Variants in PXDC1 observed in about 807,000 individuals in gnomAD.
PXDC1 encodes PX domain containing 1.
Under a neutral mutation model 24.4 loss-of-function variants are expected in PXDC1, and 13 were observed. The ratio of observed to expected loss-of-function variants is 0.53; its 90% CI spans 0.35 to 0.85. The LOEUF is 0.85. PXDC1 is among the 40% of genes least tolerant of loss of function. The pLI, the probability that PXDC1 is intolerant of heterozygous loss-of-function variation, is 0.01. For synonymous variants in PXDC1, 162 were observed against 124.9 expected (o/e 1.30, Z -1.98); for missense variants, 344 against 309.3 (o/e 1.11, Z -0.84).
chr6:3,735,140 A>G (rs1760286260), intron 3 of PXDC1, among the ~76,000 whole-genome samples: 1 of 152,224 alleles, frequency 6.6e-6, no homozygotes, highest in African/African-American at 2.4e-5. Context: ...GAACCAAAAA[A>G]GATGCCAAAT....
chr6:3,723,679 G>A lies in PXDC1; in HGVS notation c.636C>T (p.Ala212=). The change falls in exon 5 of 5, where the codon GCC becomes GCT. Residue 212 remains alanine, a synonymous_variant. Coordinates refer to ENST00000380283, the MANE Select transcript of PXDC1 (RefSeq NM_183373.4). ...GGTAATATGACAGGTTGGTGACGTA[G>A]GCTGCTGGGTCGTCCCCGTCCTCCA... ...SELEDGDDPA[A]YVTNLSYYHL... 1.2e-6 allele frequency: 2 copies of A among 1,614,200 alleles called. No homozygotes were observed. Among genetic ancestry groups the A allele is most frequent in the Non-Finnish European group, 8.5e-7 (1 of 1,180,024 alleles).
Position 3,751,632 on chromosome 6 carries a change from G to C in PXDC1, c.-101C>G, listed in dbSNP as rs1760728539. The stretch of plus-strand genomic sequence containing the variant: ...GTCGTCCCGGGTCTGTCCGTGGCCG[G>C]GGTCGTCCGGGGTCGGCCCGTCACT... On this transcript the variant is annotated 5_prime_UTR_variant, in exon 1 of 5. Transcript: ENST00000380283. 1.5e-6 allele frequency: 2 copies of C among 1,342,280 alleles called. No individual in the cohort carries two copies. The highest frequency in any genetic ancestry group is 1.9e-6 in the Non-Finnish European group (2 of 1,052,578). 83.1% of individuals were successfully genotyped at this position (1,342,280 alleles called of 1,614,324 possible).
Position 3,751,663 on chromosome 6 carries a change from G to A in PXDC1, c.-132C>T, listed in dbSNP as rs1287222007. The A allele has an allele frequency of 7.8e-7, 1 of 1,274,908 alleles. No homozygotes were observed. Among genetic ancestry groups the A allele is most frequent in the African/African-American group, 1.6e-5 (1 of 63,668 alleles). 79.0% of individuals were successfully genotyped at this position (1,274,908 alleles called of 1,614,324 possible). ...TCCGGGGTCGGCCCGTCACTCCAAG[G>A]AGGCTGCGTATGGCCCGCGTTCGGG... On this transcript the variant is annotated 5_prime_UTR_variant, in exon 1 of 5. Transcript: ENST00000380283.
chr6:3,727,296 G>A (rs1020881108), intron 4 of PXDC1, among the ~76,000 whole-genome samples: 2 of 152,156 alleles, frequency 1.3e-5, no homozygotes, highest in Admixed American at 6.5e-5. Context: ...GGCCCCACAC[G>A]AACCAGGCCC....
chr6:3,742,842 A>T (rs975419397), intron 1 of PXDC1, among the ~76,000 whole-genome samples: 7 of 152,336 alleles, frequency 4.6e-5, no homozygotes, highest in Admixed American at 4.6e-4. Flanking sequence ...TTGGGGACTG[A>T]GTATCAACAG....
intron 4 of PXDC1, among the ~76,000 whole-genome samples, chr6:3,726,498 G>T (rs983165210): frequency 1.3e-5 from 2 of 152,214 alleles, no homozygotes; most frequent in Admixed American, 6.5e-5. Flanking sequence ...AGACACACTG[G>T]TAAAGACGGG....
chr6:3,736,232 T>C (rs1383395798), intron 3 of PXDC1, among the ~76,000 whole-genome samples: 1 of 152,126 alleles, frequency 6.6e-6, no homozygotes, highest in East Asian at 1.9e-4. Context: ...GAGTCCTCCA[T>C]CCCTCCTTCT....
intron 3 of PXDC1, among the ~76,000 whole-genome samples, chr6:3,731,993 T>C (rs1011619212): frequency 1.3e-5 from 2 of 152,242 alleles, no homozygotes; most frequent in African/African-American, 4.8e-5. Flanking sequence ...AGTTACCACC[T>C]TTCCCTTTGT....
rs1760340689 is a variant in PXDC1 at position 3,737,274 on chromosome 6, C to T, written c.349-78G>A. ...CTGTCTGTCTACCAAGAGAGGGCCC[C>T]GCTCCTCCGCAGAGGCAGCCTGTGT... On this transcript the variant is annotated intron_variant, in intron 2 of 4. Coordinates refer to ENST00000380283, the MANE Select transcript of PXDC1 (RefSeq NM_183373.4). The surrounding 1 kb of genome is among the most constrained non-coding windows in gnomAD (Gnocchi z 5.5). 4 of 981,328 alleles carry T rather than the reference C, an allele frequency of 4.1e-6. No individual in the cohort carries two copies. Among genetic ancestry groups the T allele is most frequent in the South Asian group, 1.4e-5 (1 of 73,058 alleles). The allele number at this position is 981,328 out of a possible 1,614,324, so 60.8% of individuals were successfully genotyped here.
chr6:3,738,518 G>T (rs988708114), intron 1 of PXDC1, among the ~76,000 whole-genome samples: 1 of 152,164 alleles, frequency 6.6e-6, no homozygotes, highest in Non-Finnish European at 1.5e-5. Flanking sequence ...TACAGTCAGG[G>T]GTGCTGGCCC....
At chr6:3,740,038 A>G (rs1760419145) in intron 1 of PXDC1, among the ~76,000 whole-genome samples, 1 of 152,254 alleles carries the variant, frequency 6.6e-6, no homozygotes, top group Non-Finnish European at 1.5e-5. Flanking sequence ...CATTACAGCT[A>G]GAATACTAGC....
intron 3 of PXDC1, among the ~76,000 whole-genome samples, chr6:3,733,692 C>T (rs1406279560): frequency 6.6e-6 from 1 of 152,208 alleles, no homozygotes; most frequent in Non-Finnish European, 1.5e-5. Flanking sequence ...TCCGGGCCCC[C>T]AGACTTTGCA....
At position 3,722,929 on chromosome 6, in the gene PXDC1, G is replaced by A. The variant is rs1688711846; in HGVS notation, c.*690C>T. 6.6e-6 allele frequency: 1 copy of A among 152,354 alleles called. No homozygotes were observed. Among genetic ancestry groups the A allele is most frequent in the Admixed American group, 6.5e-5 (1 of 15,286 alleles). 9.4% of individuals were successfully genotyped at this position (152,354 alleles called of 1,614,324 possible). ...GGCCGGGAAGAAATTCCTTTCCTTT[G>A]GGAAGAACCACCAACGCTCAGTCCA... is the stretch of plus-strand genomic sequence containing the variant. On this transcript the variant is annotated 3_prime_UTR_variant, in exon 5 of 5. Transcript: ENST00000380283.
chr6:3,743,454 G>A (rs1291844846), intron 1 of PXDC1, among the ~76,000 whole-genome samples: 20 of 152,056 alleles, frequency 1.3e-4, no homozygotes, highest in Non-Finnish European at 7.4e-5. Flanking sequence ...GTGAAGGGGG[G>A]AACGCAGCCT....
intron 1 of PXDC1, among the ~76,000 whole-genome samples, chr6:3,746,842 C>T (rs549821912): frequency 1.3e-5 from 2 of 152,186 alleles, no homozygotes; most frequent in African/African-American, 4.8e-5. Context: ...CAGGTTCAGG[C>T]CCTGGGATCA....
At chr6:3,730,629 C>T (rs1026993712) in intron 3 of PXDC1, among the ~76,000 whole-genome samples, 1 of 152,206 alleles carries the variant, frequency 6.6e-6, no homozygotes, top group African/African-American at 2.4e-5. Flanking sequence ...GTTTCAACCA[C>T]GGACAGCAGA....
At chr6:3,731,789 C>T (rs1003084951) in intron 3 of PXDC1, among the ~76,000 whole-genome samples, 11 of 152,150 alleles carry the variant, frequency 7.2e-5, no homozygotes, top group East Asian at 3.9e-4. Context: ...AAATGTCCCT[C>T]GATTTGGGTT....
intron 4 of PXDC1, among the ~76,000 whole-genome samples, chr6:3,726,865 C>T (rs1760080434): frequency 6.6e-6 from 1 of 152,238 alleles, no homozygotes; most frequent in Non-Finnish European, 1.5e-5. Flanking sequence ...CGTGGTGGGA[C>T]AGCAGAATGG....
Position 3,725,504 on chromosome 6 carries a change from T to C in PXDC1, c.579-1768A>G, listed in dbSNP as rs1161295339. ...GTGGGTCTCTGGGCCCTGGCACTGG[T>C]GCCCACTTGCCCCTGGGGCCAGACT... On this transcript the variant is annotated intron_variant, in intron 4 of 4. Coordinates refer to ENST00000380283, the MANE Select transcript of PXDC1 (RefSeq NM_183373.4). This position sits in a 1 kb window ranked among gnomAD's most constrained non-coding sequence, Gnocchi z 4.8. 6.6e-6 allele frequency among the ~76,000 whole-genome samples: 1 copy of C among 152,198 alleles called. No individual in the cohort carries two copies. Among genetic ancestry groups the C allele is most frequent in the Non-Finnish European group, 1.5e-5 (1 of 68,018 alleles).
Sources: allele counts gnomAD v4.1 joint callset (sites outside exome capture counted in the v4.1 genomes callset), GRCh38; gene constraint gnomAD v4.1.1; non-coding constraint Gnocchi (gnomAD v3.1); transcripts MANE v1.5; gene names NCBI Gene and HGNC (gene_info 2026-07-23, HGNC 2026-07-21).